Variants in KSR2 observed in about 807,000 individuals in gnomAD.
The protein encoded by KSR2 is kinase suppressor of ras 2.
Under a neutral mutation model 107.8 loss-of-function variants are expected in KSR2, and 25 were observed. The observed-to-expected ratio is 0.23, with a 90% confidence interval of 0.17 to 0.32. KSR2 has a LOEUF of 0.32. Ranked by LOEUF, KSR2 falls within the 10% of genes least tolerant of loss-of-function variation. The pLI is 1.00. For synonymous variants in KSR2, 480 were observed against 507.0 expected, an observed-to-expected ratio of 0.95 and a Z score of 0.71; for missense variants, 887 against 1,268.9, an observed-to-expected ratio of 0.70 and a Z score of 4.57.
chr12:117,648,997 G>A (rs545733094), intron 5 of KSR2, among the ~76,000 whole-genome samples: 1 of 151,486 alleles, frequency 6.6e-6, no homozygotes, highest in South Asian at 2.2e-4. Flanking sequence ...TTACTAGGCA[G>A]GGATAATGAT....
At chr12:117,701,900 C>T (rs911956137) in intron 4 of KSR2, among the ~76,000 whole-genome samples, 6 of 152,196 alleles carry the variant, frequency 3.9e-5, no homozygotes, top group Non-Finnish European at 7.3e-5. Flanking sequence ...GCTCAGACTT[C>T]CAGTCTCCAG....
At chr12:117,659,428 C>T (rs1215160415) in intron 5 of KSR2, among the ~76,000 whole-genome samples, 3 of 152,204 alleles carry the variant, frequency 2.0e-5, no homozygotes, top group African/African-American at 4.8e-5. Flanking sequence ...CATGCACACA[C>T]ACATACAGCT....
intron 4 of KSR2, among the ~76,000 whole-genome samples, chr12:117,741,848 A>G (rs902956591): frequency 6.6e-6 from 1 of 152,246 alleles, no homozygotes; most frequent in Non-Finnish European, 1.5e-5. Flanking sequence ...TTCAGGAAAG[A>G]ATCATCAGTG....
At chr12:117,503,112 T>C (rs886110226) in intron 14 of KSR2, among the ~76,000 whole-genome samples, 3 of 152,068 alleles carry the variant, frequency 2.0e-5, no homozygotes, top group African/African-American at 7.2e-5. Flanking sequence ...GAGAACTTAT[T>C]AGGGGAGACA....
intron 4 of KSR2, among the ~76,000 whole-genome samples, chr12:117,673,173 G>A (rs1250463923): frequency 6.6e-6 from 1 of 152,186 alleles, no homozygotes; most frequent in African/African-American, 2.4e-5. Context: ...ATGGAGGGGA[G>A]AAGGGGTATA....
chr12:117,740,540 TAATATATG>T (rs1888159130), intron 4 of KSR2, among the ~76,000 whole-genome samples: 1 of 137,294 alleles, frequency 7.3e-6, no homozygotes, highest in African/African-American at 2.7e-5. Context: ...ATTATATATG[TAATATATG>T]CATATAATAT....
At chr12:117,687,717 A>G (rs1444787080) in intron 4 of KSR2, among the ~76,000 whole-genome samples, 1 of 152,146 alleles carries the variant, frequency 6.6e-6, no homozygotes, top group African/African-American at 2.4e-5. Flanking sequence ...GGGGGTGTCA[A>G]CTAGGGTACA....
intron 1 of KSR2, among the ~76,000 whole-genome samples, chr12:117,942,631 G>A (rs1032087209): frequency 1.3e-5 from 2 of 150,636 alleles, no homozygotes; most frequent in African/African-American, 4.9e-5. Flanking sequence ...TGGGATTTCA[G>A]GTGCATGCCA....
intron 4 of KSR2, among the ~76,000 whole-genome samples, chr12:117,753,540 T>C (rs913664603): frequency 3.3e-5 from 5 of 152,226 alleles, no homozygotes; most frequent in African/African-American, 1.2e-4. Context: ...GAAGCCATTA[T>C]CCTTGGCAAA....
rs947404709 is a variant in KSR2, at chr12:117,455,750, C to G, written c.*11449G>C. 6.6e-6 allele frequency: 1 copy of G among 152,252 alleles called. No homozygotes were observed. The highest frequency in any genetic ancestry group is 2.4e-5 in the African/African-American group (1 of 41,454). 9.4% of individuals were successfully genotyped at this position (152,252 alleles called of 1,614,324 possible). A position where few individuals can be genotyped will look rare whatever the true frequency, so the allele number is the denominator to read the frequency against. Reference sequence around the variant, plus strand: ...GCTGGGGACATGAGCCTTTGAAATACAAGCAAAATTTTCTTAGAATCCTTC... The same window carrying G: ...GCTGGGGACATGAGCCTTTGAAATAGAAGCAAAATTTTCTTAGAATCCTTC... On this transcript the variant is annotated 3_prime_UTR_variant, in exon 20 of 20. Coordinates refer to ENST00000339824, the MANE Select transcript of KSR2 (RefSeq NM_173598.6).
At chr12:117,727,428 G>A (rs1012032075) in intron 4 of KSR2, among the ~76,000 whole-genome samples, 2 of 150,896 alleles carry the variant, frequency 1.3e-5, no homozygotes, top group African/African-American at 4.9e-5. Context: ...AGAAGAAGGG[G>A]AAGGAGGAGG....
chr12:117,819,370 G>A (rs115762827), intron 3 of KSR2, among the ~76,000 whole-genome samples: 1,626 of 152,320 alleles, frequency 0.011, 34 homozygotes, highest in African/African-American at 0.036. Flanking sequence ...GCATGCCCTA[G>A]AGGGCGTCGT....
At chr12:117,937,562 T>C (rs1162637710) in intron 1 of KSR2, among the ~76,000 whole-genome samples, 2 of 152,038 alleles carry the variant, frequency 1.3e-5, no homozygotes, top group African/African-American at 4.8e-5. Flanking sequence ...ATTTGGCAAA[T>C]GAGACTGCCT....
At chr12:117,803,488 G>A (rs1248475559) in intron 3 of KSR2, among the ~76,000 whole-genome samples, 3 of 152,202 alleles carry the variant, frequency 2.0e-5, no homozygotes, top group African/African-American at 7.2e-5. Flanking sequence ...GGATCACGAG[G>A]TCAGGAGATC....
At chr12:117,715,376 G>C (rs1384808155) in intron 4 of KSR2, among the ~76,000 whole-genome samples, 1 of 152,172 alleles carries the variant, frequency 6.6e-6, no homozygotes, top group Non-Finnish European at 1.5e-5. Flanking sequence ...GACCCACAGA[G>C]GAAACTCAGT....
chr12:117,799,951 C>T lies in KSR2; in HGVS notation c.473-38427G>A, dbSNP rs747061332. Among the ~76,000 whole-genome samples, 9 of 152,340 alleles carry T rather than the reference C, an allele frequency of 5.9e-5. No homozygotes were observed. In the Middle Eastern group the frequency reaches 0.017, roughly 288 times the overall value. On this transcript the variant is annotated intron_variant, in intron 3 of 19. Transcript: ENST00000339824. ...GTAATCTGCCTCCAAGACTCAGGCT[C>T]TTAGCCCTATGAAACGAGGCTGGAC...
chr12:117,755,221 A>G (rs1159961206), intron 4 of KSR2, among the ~76,000 whole-genome samples: 1 of 152,218 alleles, frequency 6.6e-6, no homozygotes, highest in Non-Finnish European at 1.5e-5. Context: ...GGGTAAAAAG[A>G]AAAGGACACA....
chr12:117,561,887 G>A (rs956006675), intron 7 of KSR2, among the ~76,000 whole-genome samples: 3 of 152,156 alleles, frequency 2.0e-5, no homozygotes, highest in South Asian at 2.1e-4. Context: ...AATGTGAAAC[G>A]GGCCTTTCAT....
Position 117,530,419 on chromosome 12 carries a change from A to G in KSR2, c.1802+522T>C, listed in dbSNP as rs12303778. Among the ~76,000 whole-genome samples the G allele has an allele frequency of 3.5e-3, 535 of 152,320 alleles. 4 individuals carry two copies. The highest frequency in any genetic ancestry group is 0.014 in the Middle Eastern group (4 of 294). ...CATGGAGAAAGCAACCATGCACAAT[A>G]CATTGTAAACAAATAGGCATGGCTG... On this transcript the variant is annotated intron_variant, in intron 12 of 19. Coordinates refer to ENST00000339824, the MANE Select transcript of KSR2 (RefSeq NM_173598.6).
Sources: gnomAD v4.1 joint callset for allele counts (sites outside exome capture counted in the v4.1 genomes callset) on GRCh38, gnomAD v4.1.1 for gene constraint, MANE v1.5 for transcripts, NCBI Gene and HGNC (gene_info 2026-07-23, HGNC 2026-07-21) for gene names.